The following STK17A variants were observed in gnomAD, a reference collection of about 807,000 sequenced individuals.
STK17A encodes serine/threonine-protein kinase 17A.
STK17A carries 26 observed loss-of-function variants against 43.7 expected under a neutral mutation model. The ratio of observed to expected loss-of-function variants is 0.60; its 90% CI spans 0.44 to 0.83. The LOEUF (loss-of-function observed/expected upper bound fraction) is 0.83, where lower values mean the gene tolerates loss of function less well. STK17A is among the 40% of genes least tolerant of loss of function. The pLI is 0.00. For synonymous variants in STK17A, 191 were observed against 182.5 expected (o/e 1.05, Z -0.38); for missense variants, 476 against 511.6 (o/e 0.93, Z 0.67).
chr7:43,592,797 C>T (rs904887657), intron 1 of STK17A, among the ~76,000 whole-genome samples: 16 of 151,900 alleles, frequency 1.1e-4, no homozygotes, highest in African/African-American at 3.4e-4. Flanking sequence ...ACCCGAGAAG[C>T]GGAGGTTGCA....
intron 3 of STK17A, among the ~76,000 whole-genome samples, chr7:43,613,317 A>G (rs1250789691): frequency 6.6e-6 from 1 of 152,174 alleles, no homozygotes; most frequent in Non-Finnish European, 1.5e-5. Flanking sequence ...AAATGAGGTG[A>G]TGTGTGGTAT....
chr7:43,610,173 T>C (rs764235009), intron 3 of STK17A, among the ~76,000 whole-genome samples: 55 of 150,240 alleles, frequency 3.7e-4, no homozygotes, highest in Non-Finnish European at 6.4e-4. Context: ...GGTGAAACCC[T>C]GTCTGTAGTA....
intron 3 of STK17A, among the ~76,000 whole-genome samples, chr7:43,617,615 T>G (rs988524298): frequency 6.6e-6 from 1 of 152,198 alleles, no homozygotes; most frequent in Admixed American, 6.5e-5. Flanking sequence ...AATAGGAGTC[T>G]GTTTTTGGTC....
Position 43,596,118 on chromosome 7 carries a change from G to A in STK17A, c.419+5G>A. On this transcript the variant is annotated splice_donor_5th_base_variant and intron_variant, in intron 2 of 6. Coordinates refer to ENST00000319357, the MANE Select transcript of STK17A (RefSeq NM_004760.3). ...AATGATCTTAGTTCTGGAATAGTAAGTATTGTCTTTCTTAGATTAAGTTTG... is the reference window on the plus strand; with the variant it reads ...AATGATCTTAGTTCTGGAATAGTAAATATTGTCTTTCTTAGATTAAGTTTG... The A allele has an allele frequency of 6.2e-7, 1 of 1,601,448 alleles. No homozygotes were observed. Among genetic ancestry groups the A allele is most frequent in the Non-Finnish European group, 8.5e-7 (1 of 1,172,404 alleles).
chr7:43,594,105 A>G (rs1213966378), intron 1 of STK17A, among the ~76,000 whole-genome samples: 3 of 152,130 alleles, frequency 2.0e-5, no homozygotes, highest in African/African-American at 7.2e-5. Flanking sequence ...AGTCAACCTT[A>G]TGGGGAGGTG....
intron 2 of STK17A, among the ~76,000 whole-genome samples, chr7:43,603,991 T>A (rs1401810614): frequency 6.6e-6 from 1 of 152,186 alleles, no homozygotes; most frequent in African/African-American, 2.4e-5. Flanking sequence ...CCCAAACATT[T>A]AAGAGAAGGG....
intron 3 of STK17A, among the ~76,000 whole-genome samples, chr7:43,618,529 T>G (rs1406635028): frequency 6.6e-6 from 1 of 152,220 alleles, no homozygotes; most frequent in African/African-American, 2.4e-5. Context: ...ATTTGTAATT[T>G]ACCAGTGTTT....
In STK17A at chr7:43,583,110, A is replaced by C; in HGVS notation, c.-134A>C. On this transcript the variant is annotated 5_prime_UTR_variant, in exon 1 of 7. Coordinates refer to ENST00000319357, the MANE Select transcript of STK17A (RefSeq NM_004760.3). Reference sequence around the variant, plus strand: ...GAGCTACCGGTAGTCTGCCTGCCGCAGTCCGAGCGCCGCGCTGGGGAGAGC... The same window carrying C: ...GAGCTACCGGTAGTCTGCCTGCCGCCGTCCGAGCGCCGCGCTGGGGAGAGC... 2 of 915,458 alleles carry C rather than the reference A, an allele frequency of 2.2e-6. No homozygotes were observed. Among genetic ancestry groups the C allele is most frequent in the South Asian group, 3.4e-5 (2 of 58,852 alleles). The allele number at this position is 915,458 out of a possible 1,614,324, so 56.7% of individuals were successfully genotyped here. A position where few individuals can be genotyped will look rare whatever the true frequency, so the allele number is the denominator to read the frequency against.
chr7:43,617,617 T>TA (rs1229434721), intron 3 of STK17A, among the ~76,000 whole-genome samples: 1 of 152,050 alleles, frequency 6.6e-6, no homozygotes, highest in Non-Finnish European at 1.5e-5. Context: ...TAGGAGTCTG[T>TA]TTTTGGTCAT....
chr7:43,615,974 CT>C (rs1322608735), intron 3 of STK17A, among the ~76,000 whole-genome samples: 5 of 152,204 alleles, frequency 3.3e-5, no homozygotes, highest in Non-Finnish European at 5.9e-5. Flanking sequence ...CATCACCCTG[CT>C]TTGAGTTCCC....
At chr7:43,617,988 G>T (rs901184001) in intron 3 of STK17A, among the ~76,000 whole-genome samples, 1 of 152,138 alleles carries the variant, frequency 6.6e-6, no homozygotes, top group East Asian at 1.9e-4. Context: ...TAAGGGAGGG[G>T]TCCAGAAAAA....
chr7:43,621,225 T>G (rs2083853887), intron 4 of STK17A, among the ~76,000 whole-genome samples: 1 of 152,234 alleles, frequency 6.6e-6, no homozygotes, highest in Non-Finnish European at 1.5e-5. Flanking sequence ...TAAAATTTTT[T>G]ATATATTTTA....
chr7:43,583,468 C>T lies in STK17A; in HGVS notation c.206+19C>T. 7.8e-7 allele frequency: 1 copy of T among 1,282,414 alleles called. No homozygotes were observed. 79.4% of individuals were successfully genotyped at this position (1,282,414 alleles called of 1,614,324 possible). ...TGGGCAGGTGAGGACGGGCGGGGCCCGGCGCGGAACCTTCCCGGACGCGCG... is the reference window on the plus strand; with the variant it reads ...TGGGCAGGTGAGGACGGGCGGGGCCTGGCGCGGAACCTTCCCGGACGCGCG... On this transcript the variant is annotated intron_variant, in intron 1 of 6. Transcript: ENST00000319357.
intron 4 of STK17A, among the ~76,000 whole-genome samples, chr7:43,621,942 C>T (rs1477478038): frequency 2.0e-5 from 3 of 152,150 alleles, no homozygotes; most frequent in Non-Finnish European, 4.4e-5. Flanking sequence ...TGAGTTCTGG[C>T]CCTGTACTTG....
intron 3 of STK17A, among the ~76,000 whole-genome samples, chr7:43,612,153 T>A (rs1453333582): frequency 3.3e-5 from 5 of 152,202 alleles, no homozygotes; most frequent in Admixed American, 3.3e-4. Flanking sequence ...ATGACAGGCC[T>A]TTGATGTTGG....
chr7:43,604,228 G>C (rs1011243098), intron 2 of STK17A, among the ~76,000 whole-genome samples: 5 of 152,032 alleles, frequency 3.3e-5, no homozygotes, highest in Non-Finnish European at 5.9e-5. Context: ...TCAACCTTAG[G>C]TTGTGCTGTA....
intron 2 of STK17A, among the ~76,000 whole-genome samples, chr7:43,600,636 G>A (rs968954799): frequency 3.3e-5 from 5 of 152,128 alleles, no homozygotes; most frequent in East Asian, 1.9e-4. Context: ...AAACAAAAGC[G>A]ATATTCATTG....
chr7:43,619,563 A>G (rs1194252731), intron 3 of STK17A, 34 bp from the exon 4 acceptor site: 2 of 1,606,800 alleles, frequency 1.2e-6, no homozygotes, highest in Non-Finnish European at 1.7e-6. Flanking sequence ...AATCATAGTT[A>G]TATTGATTTT....
chr7:43,586,790 A>T (rs1394737830), intron 1 of STK17A, among the ~76,000 whole-genome samples: 1 of 151,630 alleles, frequency 6.6e-6, no homozygotes, highest in Non-Finnish European at 1.5e-5. Flanking sequence ...AAGCCAAAAG[A>T]ACACTTTAAA....
Sources: allele counts gnomAD v4.1 joint callset (sites outside exome capture counted in the v4.1 genomes callset), GRCh38; gene constraint gnomAD v4.1.1; transcripts MANE v1.5; gene names NCBI Gene and HGNC (gene_info 2026-07-23, HGNC 2026-07-21).